Variants in THSD7A observed in about 807,000 individuals in gnomAD.
The protein encoded by THSD7A is thrombospondin type 1 domain containing 7A, also known as thrombospondin type-1 domain-containing protein 7A.
A neutral mutation model predicts 231.3 loss-of-function variants in THSD7A; 96 were observed. The ratio of observed to expected loss-of-function variants is 0.41; its 90% CI spans 0.35 to 0.49. The LOEUF is 0.49. Among genes scored for constraint, THSD7A ranks in the 20% least tolerant of loss-of-function variants. THSD7A has a pLI of 0.05. For missense variants in THSD7A, 2,290 were observed against 2,070.2 expected, an observed-to-expected ratio of 1.11 and a Z score of -2.06; for synonymous variants, 940 against 743.3, an observed-to-expected ratio of 1.26 and a Z score of -4.30.
chr7:11,700,108 T>C (rs1780540492), intron 1 of THSD7A, among the ~76,000 whole-genome samples: 1 of 151,282 alleles, frequency 6.6e-6, no homozygotes, highest in Admixed American at 6.6e-5. Context: ...TTTCATAAAG[T>C]AATTACTCTC....
At chr7:11,757,656 A>G (rs150792717) in intron 1 of THSD7A, among the ~76,000 whole-genome samples, 51 of 152,068 alleles carry the variant, frequency 3.4e-4, no homozygotes, top group African/African-American at 1.1e-3. Context: ...TATTAGAGGT[A>G]TTTAAGAAAA....
chr7:11,526,114 T>C (rs549397292), intron 6 of THSD7A, among the ~76,000 whole-genome samples: 7 of 152,324 alleles, frequency 4.6e-5, no homozygotes, highest in Admixed American at 1.3e-4. Flanking sequence ...TATTTTCAAT[T>C]TGAATTGTGT....
chr7:11,533,083 A>G (rs1360268743), intron 6 of THSD7A, among the ~76,000 whole-genome samples: 3 of 152,182 alleles, frequency 2.0e-5, no homozygotes, highest in African/African-American at 7.2e-5. Context: ...ACAGTGATGG[A>G]TATGGCTTTT....
chr7:11,681,808 G>A (rs747818032), intron 1 of THSD7A, among the ~76,000 whole-genome samples: 1 of 151,650 alleles, frequency 6.6e-6, no homozygotes, highest in Non-Finnish European at 1.5e-5. Context: ...CACATAGTGA[G>A]CAGAATTTCC....
chr7:11,435,216 G>A (rs951140990), intron 13 of THSD7A, among the ~76,000 whole-genome samples: 16 of 152,068 alleles, frequency 1.1e-4, no homozygotes, highest in South Asian at 6.2e-4. Flanking sequence ...TACCAAGGGC[G>A]TTTCTTACAG....
At chr7:11,412,522 A>AATT in intron 18 of THSD7A, 134 bp downstream of exon 18, 1 of 1,038,758 alleles carries the variant, frequency 9.6e-7, no homozygotes, top group East Asian at 2.6e-5. Flanking sequence ...TTTAATATGT[A>AATT]ATTATTTCTG....
rs200378193 is a variant in THSD7A at position 11,460,682 on chromosome 7, C to T, written c.2585G>A (p.Gly862Glu). 33 of 1,611,034 alleles carry T rather than the reference C, an allele frequency of 2.0e-5. No homozygotes were observed. The highest frequency in any genetic ancestry group is 2.8e-5 in the Non-Finnish European group (33 of 1,178,740). Residue 862 changes from glycine to glutamate, a missense_variant, in exon 11 of 28, where the codon GGG becomes GAG. Gly to Glu is a moderately conservative substitution (Grantham distance 98). Coordinates refer to ENST00000423059, the MANE Select transcript of THSD7A (RefSeq NM_015204.3). Reference protein sequence around the residue: ...QDSPGAQEGCGPGRQARAITC... With the variant: ...QDSPGAQEGCEPGRQARAITC... Reference sequence around the variant, plus strand: ...CCCACCTCTTGCCTGTCGCCCAGGCCCACAGCCTTCCTGTGCTCCAGGGCT... The same window carrying T: ...CCCACCTCTTGCCTGTCGCCCAGGCTCACAGCCTTCCTGTGCTCCAGGGCT...
chr7:11,629,691 C>G (rs1337344823), intron 2 of THSD7A, among the ~76,000 whole-genome samples: 1 of 152,186 alleles, frequency 6.6e-6, no homozygotes, highest in Non-Finnish European at 1.5e-5. Context: ...ACTCCCAAGA[C>G]TGCGGAGAGC....
intron 1 of THSD7A, among the ~76,000 whole-genome samples, chr7:11,827,490 A>G (rs1255449457): frequency 6.6e-6 from 1 of 152,138 alleles, no homozygotes; most frequent in Non-Finnish European, 1.5e-5. Context: ...TTTATAAAAT[A>G]CCGTCTTCAT....
intron 1 of THSD7A, among the ~76,000 whole-genome samples, chr7:11,795,835 G>A (rs1784107540): frequency 6.6e-6 from 1 of 151,416 alleles, no homozygotes; most frequent in African/African-American, 2.4e-5. Context: ...TGGGATCAAG[G>A]AAGATCCAAG....
At chr7:11,564,517 C>T (rs1325113384) in intron 4 of THSD7A, among the ~76,000 whole-genome samples, 2 of 152,184 alleles carry the variant, frequency 1.3e-5, no homozygotes, top group African/African-American at 4.8e-5. Context: ...TCCTAATTCT[C>T]TTACAAATAT....
chr7:11,406,221 T>C lies in THSD7A; in HGVS notation c.4237+79A>G. On this transcript the variant is annotated intron_variant, in intron 22 of 27. Coordinates refer to ENST00000423059, the MANE Select transcript of THSD7A (RefSeq NM_015204.3). The surrounding 1 kb of genome is among the most constrained non-coding windows in gnomAD (Gnocchi z 4.7). Reference sequence around the variant, plus strand: ...AAGACTGTTGACATCCTGTAACTTATACTTTATATGCAACCCCTTCACGGC... The same window carrying C: ...AAGACTGTTGACATCCTGTAACTTACACTTTATATGCAACCCCTTCACGGC... 2.1e-6 allele frequency: 3 copies of C among 1,396,676 alleles called. No homozygotes were observed. Among genetic ancestry groups the C allele is most frequent in the Non-Finnish European group, 2.9e-6 (3 of 1,023,042 alleles). The allele number at this position is 1,396,676 out of a possible 1,614,324, so 86.5% of individuals were successfully genotyped here.
At chr7:11,711,661 G>C (rs1426109219) in intron 1 of THSD7A, among the ~76,000 whole-genome samples, 1 of 150,988 alleles carries the variant, frequency 6.6e-6, no homozygotes, top group Non-Finnish European at 1.5e-5. Context: ...TTTTCTCTAG[G>C]GGAAAAATTT....
chr7:11,778,873 A>C (rs1274025392), intron 1 of THSD7A, among the ~76,000 whole-genome samples: 2 of 152,160 alleles, frequency 1.3e-5, no homozygotes, highest in African/African-American at 2.4e-5. Context: ...ATTAATTTTC[A>C]ACACTGTGCA....
chr7:11,702,396 G>C (rs1780632919), intron 1 of THSD7A, among the ~76,000 whole-genome samples: 1 of 151,252 alleles, frequency 6.6e-6, no homozygotes, highest in African/African-American at 2.4e-5. Context: ...CTGTTTGTCA[G>C]TAGGGGGTAA....
Position 11,832,035 on chromosome 7 carries a change from A to T in THSD7A, c.-89T>A. 1 of 884,510 alleles carries T rather than the reference A, an allele frequency of 1.1e-6. No homozygotes were observed. The highest frequency in any genetic ancestry group is 1.5e-6 in the Non-Finnish European group (1 of 681,432). 54.8% of individuals were successfully genotyped at this position (884,510 alleles called of 1,614,324 possible). On this transcript the variant is annotated 5_prime_UTR_variant, in exon 1 of 28. Transcript: ENST00000423059. ...CTTGGAACGTCTTTTCAAAGAGTAC[A>T]GAAAGCAAAGCTCTTTCCTGCTATT... is the stretch of plus-strand genomic sequence containing the variant.
At chr7:11,546,306 A>G (rs1390642144) in intron 4 of THSD7A, among the ~76,000 whole-genome samples, 1 of 151,914 alleles carries the variant, frequency 6.6e-6, no homozygotes, top group Non-Finnish European at 1.5e-5. Flanking sequence ...TCACCACCCC[A>G]ATGTAGTGCT....
intron 1 of THSD7A, among the ~76,000 whole-genome samples, chr7:11,672,042 T>C (rs1472404072): frequency 6.6e-6 from 1 of 152,194 alleles, no homozygotes; most frequent in Admixed American, 6.5e-5. Flanking sequence ...CAACTTGGGA[T>C]AATTTAAATG....
Position 11,373,690 on chromosome 7 carries a change from C to G in THSD7A, c.*2104G>C, listed in dbSNP as rs1027010989. The G allele has an allele frequency of 2.6e-5, 4 of 151,972 alleles. No homozygotes were observed. The highest frequency in any genetic ancestry group is 9.7e-5 in the African/African-American group (4 of 41,396). The allele number at this position is 151,972 out of a possible 1,614,324, so 9.4% of individuals were successfully genotyped here. The stretch of plus-strand genomic sequence containing the variant: ...CATTTTGGGGACAATGACATCCTAA[C>G]CTGATGTCTTTTGTAATCTTTGCAA... On this transcript the variant is annotated 3_prime_UTR_variant, in exon 28 of 28. Transcript: ENST00000423059.
Sources: allele counts gnomAD v4.1 joint callset (sites outside exome capture counted in the v4.1 genomes callset), GRCh38; gene constraint gnomAD v4.1.1; non-coding constraint Gnocchi (gnomAD v3.1); transcripts MANE v1.5; gene names NCBI Gene and HGNC (gene_info 2026-07-23, HGNC 2026-07-21).